ERBB4: variants seen among roughly 807,000 people sequenced by gnomAD.
The protein encoded by ERBB4 is receptor tyrosine-protein kinase erbB-4.
In ERBB4, 42 loss-of-function variants were observed where a neutral mutation model predicts 158.0. That is an observed-to-expected ratio of 0.27 (90% CI 0.21 to 0.34). The LOEUF is 0.34. ERBB4 is among the 10% of genes least tolerant of loss of function. The probability of loss-of-function intolerance (pLI) is 1.00; values close to 1 mark genes in which losing one functional copy is unlikely to be tolerated. For missense variants in ERBB4, 1,333 were observed against 1,624.1 expected (o/e 0.82, Z 3.08); for synonymous variants, 583 against 558.7 (o/e 1.04, Z -0.61).
chr2:211,859,099 T>C (rs1236402753), intron 3 of ERBB4, among the ~76,000 whole-genome samples: 1 of 152,192 alleles, frequency 6.6e-6, no homozygotes, highest in Non-Finnish European at 1.5e-5. Flanking sequence ...TATCTTTTAA[T>C]GTAACTTGAT....
chr2:212,503,864 C>G (rs142482917), intron 1 of ERBB4, among the ~76,000 whole-genome samples: 2 of 147,170 alleles, frequency 1.4e-5, no homozygotes, highest in East Asian at 3.9e-4. Flanking sequence ...CTTAAGGGAT[C>G]TCAAACAAAA....
intron 1 of ERBB4, among the ~76,000 whole-genome samples, chr2:212,286,458 ATCT>A (rs2085964405): frequency 1.3e-5 from 2 of 152,062 alleles, no homozygotes; most frequent in Non-Finnish European, 2.9e-5. Flanking sequence ...TCTGTGTTAT[ATCT>A]GGACACAATA....
intron 3 of ERBB4, among the ~76,000 whole-genome samples, chr2:211,791,191 C>T (rs2076272269): frequency 6.6e-6 from 1 of 151,826 alleles, no homozygotes; most frequent in Non-Finnish European, 1.5e-5. Context: ...TGGTTGACTA[C>T]AGAGGCTTGA....
chr2:212,503,214 T>C (rs1690995812), intron 1 of ERBB4, among the ~76,000 whole-genome samples: 1 of 152,216 alleles, frequency 6.6e-6, no homozygotes, highest in South Asian at 2.1e-4. Context: ...AGGGTTTTTG[T>C]TGTTGTTTTG....
chr2:211,803,313 A>G (rs1028690612), intron 3 of ERBB4, among the ~76,000 whole-genome samples: 1 of 152,240 alleles, frequency 6.6e-6, no homozygotes, highest in African/African-American at 2.4e-5. Context: ...ATATAACACT[A>G]AGACCATAAA....
intron 13 of ERBB4, among the ~76,000 whole-genome samples, chr2:211,678,278 G>A (rs1039303218): frequency 1.4e-5 from 2 of 139,788 alleles, no homozygotes; most frequent in Admixed American, 7.3e-5. Flanking sequence ...AGACATAAAA[G>A]TGAGTAGAAA....
At position 211,376,550 on chromosome 2, in the gene ERBB4, CAA is replaced by C. The variant is rs1217112078; in HGVS notation, c.*7063_*7064del. ...ACCCCAATCCTTTGAAGATACTTCA[CAA>C]GAGAGAGGGCTTGTTTTCTGCTTAC... On this transcript the variant is annotated 3_prime_UTR_variant, in exon 28 of 28. Transcript: ENST00000342788. 1 of 232,656 alleles carries C rather than the reference CAA, an allele frequency of 4.3e-6. No homozygotes were observed. The highest frequency in any genetic ancestry group is 8.5e-6 in the Non-Finnish European group (1 of 117,490). The allele number at this position is 232,656 out of a possible 1,614,324, so 14.4% of individuals were successfully genotyped here.
At chr2:211,880,189 T>C (rs2106146200) in intron 3 of ERBB4, among the ~76,000 whole-genome samples, 1 of 152,228 alleles carries the variant, frequency 6.6e-6, no homozygotes, top group South Asian at 2.1e-4. Flanking sequence ...TGTACCTCTT[T>C]CCAATTCTAC....
chr2:211,940,844 C>G (rs1041650025), intron 3 of ERBB4, among the ~76,000 whole-genome samples: 2 of 152,002 alleles, frequency 1.3e-5, no homozygotes, highest in Admixed American at 1.3e-4. Flanking sequence ...GAGAAATTCT[C>G]ATTTCCCCTT....
At chr2:212,511,812 C>T (rs1691535484) in intron 1 of ERBB4, among the ~76,000 whole-genome samples, 1 of 148,584 alleles carries the variant, frequency 6.7e-6, no homozygotes, top group Admixed American at 6.6e-5. Flanking sequence ...TAATGTCTTG[C>T]ATGTAAAAAT....
intron 1 of ERBB4, among the ~76,000 whole-genome samples, chr2:212,520,883 T>C (rs1321284725): frequency 7.0e-6 from 1 of 142,178 alleles, no homozygotes; most frequent in Non-Finnish European, 1.5e-5. Flanking sequence ...ACCACTGGCA[T>C]AGCTCTGTGA....
At chr2:211,434,537 A>G (rs1467934182) in intron 20 of ERBB4, among the ~76,000 whole-genome samples, 1 of 152,170 alleles carries the variant, frequency 6.6e-6, no homozygotes, top group Non-Finnish European at 1.5e-5. Context: ...TATGAGAAAT[A>G]AATTTCTGTT....
chr2:212,385,006 AAG>A (rs2106421950), intron 1 of ERBB4, among the ~76,000 whole-genome samples: 1 of 150,786 alleles, frequency 6.6e-6, no homozygotes, highest in East Asian at 2.0e-4. Context: ...TTATTTTTAA[AAG>A]AGAGATAAAA....
intron 3 of ERBB4, among the ~76,000 whole-genome samples, chr2:211,794,910 G>A (rs1300182088): frequency 2.6e-5 from 4 of 151,724 alleles, no homozygotes; most frequent in Non-Finnish European, 5.9e-5. Context: ...TGCTGTAAAA[G>A]TCACATAGAC....
At chr2:212,380,010 G>A (rs2090451889) in intron 1 of ERBB4, among the ~76,000 whole-genome samples, 1 of 151,416 alleles carries the variant, frequency 6.6e-6, no homozygotes, top group Non-Finnish European at 1.5e-5. Flanking sequence ...CTAAAGAGTT[G>A]TTCAAGTAGT....
chr2:211,950,694 A>G (rs530755595), intron 2 of ERBB4, among the ~76,000 whole-genome samples: 79 of 152,242 alleles, frequency 5.2e-4, no homozygotes, highest in African/African-American at 1.8e-3. Flanking sequence ...TCTGGCATCA[A>G]ATTGGGAACT....
intron 3 of ERBB4, among the ~76,000 whole-genome samples, chr2:211,922,590 G>A (rs1043143778): frequency 4.0e-5 from 6 of 151,856 alleles, no homozygotes; most frequent in Admixed American, 6.6e-5. Flanking sequence ...TTTCTAGTGG[G>A]AAATAAAAAT....
intron 5 of ERBB4, among the ~76,000 whole-genome samples, chr2:211,731,753 A>C (rs576712233): frequency 2.6e-5 from 4 of 152,300 alleles, no homozygotes; most frequent in Non-Finnish European, 5.9e-5. Context: ...GGATACACTT[A>C]AAGTGAAACA....
chr2:211,952,657 T>C (rs928694114), intron 2 of ERBB4, among the ~76,000 whole-genome samples: 6 of 152,220 alleles, frequency 3.9e-5, no homozygotes, highest in Non-Finnish European at 5.9e-5. Context: ...TTGTGCTTAC[T>C]AGCTTTGTGG....
Sources: allele counts gnomAD v4.1 joint callset (sites outside exome capture counted in the v4.1 genomes callset), GRCh38; gene constraint gnomAD v4.1.1; transcripts MANE v1.5; gene names NCBI Gene and HGNC (gene_info 2026-07-23, HGNC 2026-07-21).